Variants in CMIP observed in about 807,000 individuals in gnomAD.
The protein encoded by CMIP is C-Maf-inducing protein.
A neutral mutation model predicts 97.3 loss-of-function variants in CMIP; 13 were observed. The observed-to-expected ratio is 0.13, with a 90% confidence interval of 0.09 to 0.21. The LOEUF is 0.21. CMIP is among the 10% of genes least tolerant of loss of function. The probability of loss-of-function intolerance (pLI) is 1.00; values close to 1 mark genes in which losing one functional copy is unlikely to be tolerated. For synonymous variants in CMIP, 538 were observed against 436.3 expected, an observed-to-expected ratio of 1.23 and a Z score of -2.91; for missense variants, 847 against 1,024.9, an observed-to-expected ratio of 0.83 and a Z score of 2.37.
rs184532709 is a variant in CMIP, at chr16:81,543,449, A to G, written c.301-64118A>G. 8.5e-5 allele frequency among the ~76,000 whole-genome samples: 13 copies of G among 152,292 alleles called. No homozygotes were observed. The East Asian group carries it at 2.5e-3, about 29-fold the overall frequency. On this transcript the variant is annotated intron_variant, in intron 1 of 20. Coordinates refer to ENST00000537098, the MANE Select transcript of CMIP (RefSeq NM_198390.3). ...CCCACATTGAAGTTCAGGGCCGCCC[A>G]GGGCTCCCTGCTGCGTCCTGGGCCA...
At chr16:81,503,483 A>G (rs1597482854) in intron 1 of CMIP, among the ~76,000 whole-genome samples, 1 of 151,604 alleles carries the variant, frequency 6.6e-6, no homozygotes, top group African/African-American at 2.4e-5. Flanking sequence ...TGCAGCCTTG[A>G]CCCCCCAGGC....
At chr16:81,573,868 G>A (rs914436485) in intron 1 of CMIP, among the ~76,000 whole-genome samples, 1 of 152,186 alleles carries the variant, frequency 6.6e-6, no homozygotes, top group Non-Finnish European at 1.5e-5. Context: ...TGAGCTGTCA[G>A]TGTCCTGACT....
chr16:81,640,401 T>G (rs2092290435), intron 3 of CMIP, among the ~76,000 whole-genome samples: 1 of 151,546 alleles, frequency 6.6e-6, no homozygotes, highest in African/African-American at 2.4e-5. Context: ...ATGATGGGGC[T>G]GGACGGCTCA....
At chr16:81,506,696 C>T (rs766612641) in intron 1 of CMIP, among the ~76,000 whole-genome samples, 17 of 152,180 alleles carry the variant, frequency 1.1e-4, no homozygotes, top group African/African-American at 2.4e-4. Context: ...GGGCGGATCA[C>T]GAGGTCAGGA....
At chr16:81,606,005 A>G (rs1354856002) in intron 1 of CMIP, among the ~76,000 whole-genome samples, 3 of 152,116 alleles carry the variant, frequency 2.0e-5, no homozygotes, top group Admixed American at 6.6e-5. Flanking sequence ...AACCCTCTCT[A>G]CCTCCACCCC....
rs566826574 is a variant in CMIP, at chr16:81,516,080, C to G, written c.300+70539C>G. Among the ~76,000 whole-genome samples the G allele has an allele frequency of 6.6e-4, 101 of 152,292 alleles. 1 individual carries two copies. Among genetic ancestry groups the G allele is most frequent in the Non-Finnish European group, 1.2e-3 (82 of 68,018 alleles). On this transcript the variant is annotated intron_variant, in intron 1 of 20. Transcript: ENST00000537098. Reference sequence around the variant, plus strand: ...TGCTAATCTCTGGGTTGCTCCATTGCCCCCGTTTGGGTTCTGGGATCTCCT... The same window carrying G: ...TGCTAATCTCTGGGTTGCTCCATTGGCCCCGTTTGGGTTCTGGGATCTCCT...
At chr16:81,445,971 AAAAAC>A (rs1306244281) in intron 1 of CMIP, among the ~76,000 whole-genome samples, 2 of 151,924 alleles carry the variant, frequency 1.3e-5, no homozygotes, top group African/African-American at 4.8e-5. Context: ...ATTTAAAAAA[AAAAAC>A]AAACAACACA....
chr16:81,451,042 G>T (rs1471179921), intron 1 of CMIP, among the ~76,000 whole-genome samples: 4 of 152,202 alleles, frequency 2.6e-5, no homozygotes, highest in Non-Finnish European at 5.9e-5. Context: ...TTGTAGAAGT[G>T]TATCACAGTA....
chr16:81,644,079 C>G (rs964838714), intron 3 of CMIP, among the ~76,000 whole-genome samples: 1 of 152,140 alleles, frequency 6.6e-6, no homozygotes, highest in Non-Finnish European at 1.5e-5. Flanking sequence ...ACCCTATAGC[C>G]CTGACCTGTA....
chr16:81,614,661 A>T lies in CMIP; in HGVS notation c.427-6215A>T, dbSNP rs2091883411. 1.3e-5 allele frequency among the ~76,000 whole-genome samples: 2 copies of T among 151,064 alleles called. No homozygotes were observed. The highest frequency in any genetic ancestry group is 4.9e-5 in the African/African-American group (2 of 40,988). On this transcript the variant is annotated intron_variant, in intron 2 of 20. Transcript: ENST00000537098. This position sits in a 1 kb window ranked among gnomAD's most constrained non-coding sequence, Gnocchi z 5.3. The stretch of plus-strand genomic sequence containing the variant: ...GCGTGTGGGACTGTGGTGTGTGTGT[A>T]TGTATGTCTGTATGGTTTATGTGTG...
At chr16:81,488,099 ACTGCTGC>A (rs2089346766) in intron 1 of CMIP, among the ~76,000 whole-genome samples, 1 of 152,020 alleles carries the variant, frequency 6.6e-6, no homozygotes, top group Non-Finnish European at 1.5e-5. Flanking sequence ...GTAAACTGAG[ACTGCTGC>A]ATGACTTTTA....
intron 1 of CMIP, among the ~76,000 whole-genome samples, chr16:81,570,288 C>A (rs769668407): frequency 2.6e-5 from 4 of 152,154 alleles, no homozygotes; most frequent in Non-Finnish European, 5.9e-5. Flanking sequence ...CCAATCCTAG[C>A]ACCCCGTGTT....
At chr16:81,470,979 C>A (rs1282243530) in intron 1 of CMIP, among the ~76,000 whole-genome samples, 1 of 152,140 alleles carries the variant, frequency 6.6e-6, no homozygotes. Flanking sequence ...CACACAGGCA[C>A]AAACGTGCAT....
chr16:81,692,182 A>T (rs1349778075), intron 11 of CMIP, among the ~76,000 whole-genome samples: 1 of 152,190 alleles, frequency 6.6e-6, no homozygotes, highest in African/African-American at 2.4e-5. Flanking sequence ...CCAGATGGGA[A>T]CCGTAATACC....
chr16:81,676,698 T>C (rs1187843271), intron 9 of CMIP, among the ~76,000 whole-genome samples: 3 of 152,344 alleles, frequency 2.0e-5, no homozygotes, highest in Middle Eastern at 6.8e-3. Flanking sequence ...CTTGGTGGGC[T>C]CAGCTCAGGC....
At chr16:81,498,397 C>T (rs1357377086) in intron 1 of CMIP, among the ~76,000 whole-genome samples, 3 of 152,210 alleles carry the variant, frequency 2.0e-5, no homozygotes, top group African/African-American at 7.2e-5. Context: ...GGCCCTTGTC[C>T]CCCGGCCTTT....
chr16:81,498,541 C>T (rs752796177), intron 1 of CMIP, among the ~76,000 whole-genome samples: 1 of 152,226 alleles, frequency 6.6e-6, no homozygotes, highest in Non-Finnish European at 1.5e-5. Context: ...GCGCCTCACT[C>T]TGAGAGGGTC....
chr16:81,588,658 C>T (rs1238962309), intron 1 of CMIP, among the ~76,000 whole-genome samples: 4 of 152,162 alleles, frequency 2.6e-5, no homozygotes, highest in African/African-American at 9.7e-5. Context: ...CTACGCTTAT[C>T]ATCACTTAAC....
intron 10 of CMIP, 185 bp from the exon 11 acceptor site, chr16:81,691,590 A>C (rs1906083186): frequency 1.6e-6 from 1 of 627,386 alleles, no homozygotes; most frequent in African/African-American, 1.8e-5. Flanking sequence ...CCCAGTTGTG[A>C]GTCCTTGAGG....
Sources: allele counts gnomAD v4.1 joint callset (sites outside exome capture counted in the v4.1 genomes callset), GRCh38; gene constraint gnomAD v4.1.1; non-coding constraint Gnocchi (gnomAD v3.1); transcripts MANE v1.5; gene names NCBI Gene and HGNC (gene_info 2026-07-23, HGNC 2026-07-21).